Variants in LTK observed in about 807,000 individuals in gnomAD.
LTK encodes leukocyte receptor tyrosine kinase.
In LTK, 117 loss-of-function variants were observed where a neutral mutation model predicts 101.5. That is an observed-to-expected ratio of 1.15 (90% CI 0.99 to 1.34). The LOEUF (loss-of-function observed/expected upper bound fraction) is 1.34, where lower values mean the gene tolerates loss of function less well. Among genes scored for constraint, LTK ranks in the 40% most tolerant of loss-of-function variants. The pLI, the probability that LTK is intolerant of heterozygous loss-of-function variation, is 0.00. For synonymous variants in LTK, 563 were observed against 494.2 expected (o/e 1.14, Z -1.85); for missense variants, 1,252 against 1,164.7 (o/e 1.07, Z -1.09).
In LTK at chr15:41,511,544, G is replaced by T. The variant is rs773572829; in HGVS notation, c.692C>A (p.Ala231Glu). 2.1e-6 allele frequency: 3 copies of T among 1,455,012 alleles called. No individual in the cohort carries two copies. The East Asian group carries it at 8.3e-5, about 40-fold the overall frequency. The allele number at this position is 1,455,012 out of a possible 1,614,324, so 90.1% of individuals were successfully genotyped here. The part of the protein sequence containing the change: ...RAGELEPLLV[A>E]AGGGGRAYLR... ...GTAGGCCCGACCGCCGCCTCCGGCC[G>T]CCACCAGCAACGGTTCCAGCTCGCC... The change falls in exon 6 of 20, where the codon GCG becomes GAG. Residue 231 changes from alanine (A) to glutamate (E), a missense_variant. By Grantham distance (107) the Ala-to-Glu change is moderately radical. Transcript: ENST00000263800. This position sits in a 1 kb window ranked among gnomAD's most constrained non-coding sequence, Gnocchi z 5.9.
rs960966888 is a variant in LTK at position 41,512,875 on chromosome 15, G to A, written c.191C>T (p.Thr64Ile). The A allele has an allele frequency of 1.9e-6, 3 of 1,610,164 alleles. No homozygotes were observed. Among genetic ancestry groups the A allele is most frequent in the Non-Finnish European group, 2.5e-6 (3 of 1,177,846 alleles). ...EPASPLNSPG[T>I]EGSWLFSTCG... ...GGTAGAAAACAGCCAAGACCCCTCG[G>A]TGCCTGAGAGCAAGGAGCGAGGCAA... is the stretch of plus-strand genomic sequence containing the variant. Residue 64 changes from threonine (T) to isoleucine (I), a missense_variant, in exon 3 of 20, where the codon ACC becomes ATC. Transcript: ENST00000263800.
Position 41,504,369 on chromosome 15 carries a change from G to A in LTK, c.2319C>T (p.Ile773=). Reference sequence around the variant, plus strand: ...GAGTGCAGTACTGCAGACGCTCCAAGATGCTGGCAAAGCTAGGGCGGAGCT... The same window carrying A: ...GAGTGCAGTACTGCAGACGCTCCAAAATGCTGGCAAAGCTAGGGCGGAGCT... ...EPELRPSFAS[I]LERLQYCTQD... The change falls in exon 19 of 20, where the codon ATC becomes ATT. Residue 773 remains isoleucine (I), a synonymous_variant. Transcript: ENST00000263800. The A allele has an allele frequency of 6.2e-7, 1 of 1,614,172 alleles. No homozygotes were observed. Among genetic ancestry groups the A allele is most frequent in the East Asian group, 2.2e-5 (1 of 44,888 alleles).
intron 15 of LTK, 68 bp downstream of exon 15, chr15:41,505,140 G>A (rs2051222800): frequency 1.3e-6 from 2 of 1,583,702 alleles, no homozygotes; most frequent in Non-Finnish European, 8.6e-7. Flanking sequence ...CTTAAAAGCT[G>A]TGTGGAAGGG....
chr15:41,512,804 C>A lies in LTK; in HGVS notation c.262G>T (p.Gly88Trp). Residue 88 changes from glycine to tryptophan, a missense_variant, in exon 3 of 20, where the codon GGG becomes TGG. By Grantham distance (184) the Gly-to-Trp change is radical. Transcript: ENST00000263800. The stretch of plus-strand genomic sequence containing the variant: ...ACCACGCTGGTCCCCGCGTACGCCC[C>A]GTCACATTGTGTCTGTGTGGGCCCA... Reference protein sequence around the residue: ...RHGPTQTQCDGAYAGTSVVVT... With the variant: ...RHGPTQTQCDWAYAGTSVVVT... The A allele has an allele frequency of 6.2e-7, 1 of 1,612,572 alleles. No individual in the cohort carries two copies. The highest frequency in any genetic ancestry group is 8.5e-7 in the Non-Finnish European group (1 of 1,179,838).
rs1444518771 is a variant in LTK at position 41,506,023 on chromosome 15, G to A, written c.1542-18C>T. ...CCAGGGCTCTGCAGGAAGACACGTTGGAAGGGAGTGGGCAGGCGGCCTGGA... is the reference window on the plus strand; with the variant it reads ...CCAGGGCTCTGCAGGAAGACACGTTAGAAGGGAGTGGGCAGGCGGCCTGGA... On this transcript the variant is annotated intron_variant, in intron 11 of 19. Coordinates refer to ENST00000263800, the MANE Select transcript of LTK (RefSeq NM_002344.6). 2 of 1,574,026 alleles carry A rather than the reference G, an allele frequency of 1.3e-6. No homozygotes were observed. Among genetic ancestry groups the A allele is most frequent in the Non-Finnish European group, 1.7e-6 (2 of 1,143,860 alleles).
Position 41,511,714 on chromosome 15 carries a change from G to A in LTK, c.657+103C>T, listed in dbSNP as rs1453054809. On this transcript the variant is annotated intron_variant, in intron 5 of 19. Transcript: ENST00000263800. This position sits in a 1 kb window ranked among gnomAD's most constrained non-coding sequence, Gnocchi z 5.9. Reference sequence around the variant, plus strand: ...CCAGCCCAGGCCAGCCCAGCCCAGCGCAGGGATAGGGGGACCCCAAGGGAC... The same window carrying A: ...CCAGCCCAGGCCAGCCCAGCCCAGCACAGGGATAGGGGGACCCCAAGGGAC... The A allele has an allele frequency of 1.4e-6, 2 of 1,429,054 alleles. No individual in the cohort carries two copies. Among genetic ancestry groups the A allele is most frequent in the Non-Finnish European group, 9.1e-7 (1 of 1,100,496 alleles). The allele number at this position is 1,429,054 out of a possible 1,614,324, so 88.5% of individuals were successfully genotyped here. A position where few individuals can be genotyped will look rare whatever the true frequency, so the allele number is the denominator to read the frequency against.
At chr15:41,506,718 G>A (rs910464216) in intron 11 of LTK, among the ~76,000 whole-genome samples, 6 of 152,102 alleles carry the variant, frequency 3.9e-5, no homozygotes, top group Admixed American at 6.5e-5. Context: ...AGCCTCCCAC[G>A]TAGCTGGGAT....
chr15:41,505,049 C>T lies in LTK; in HGVS notation c.1941G>A (p.Arg647=), dbSNP rs1343232327. ...GTCCAGCGCAGCTCAGCAGGCAGTT[C>T]CGGGCGGCAATATCCCTACAGAGTA... ...NHFIHRDIAA[R]NCLLSCAGPS... is the part of the protein sequence containing the mutation. Residue 647 remains arginine (R), a synonymous_variant, in exon 16 of 20, where the codon CGG becomes CGA. Transcript: ENST00000263800. 2 of 1,613,144 alleles carry T rather than the reference C, an allele frequency of 1.2e-6. No homozygotes were observed. Among genetic ancestry groups the T allele is most frequent in the Admixed American group, 3.3e-5 (2 of 59,864 alleles).
rs1297293414 is a variant in LTK, at chr15:41,513,590, GCCTGTTGA to G, written c.43+69_43+76del. The G allele has an allele frequency of 3.8e-6, 5 of 1,329,834 alleles. No homozygotes were observed. The African/African-American group carries it at 7.2e-5, about 19-fold the overall frequency. 82.4% of individuals were successfully genotyped at this position (1,329,834 alleles called of 1,614,324 possible). On this transcript the variant is annotated intron_variant, in intron 1 of 19. Coordinates refer to ENST00000263800, the MANE Select transcript of LTK (RefSeq NM_002344.6). Reference sequence around the variant, plus strand: ...CCTCTGGAGGAACCACTGACACCTGGCCTGTTGACCGGCCACCCCCAAGCCTAGGAAAG... The same window carrying G: ...CCTCTGGAGGAACCACTGACACCTGGCCGGCCACCCCCAAGCCTAGGAAAG...
chr15:41,511,825 C>A lies in LTK; in HGVS notation c.649G>T (p.Val217Phe). The A allele has an allele frequency of 1.3e-6, 2 of 1,491,708 alleles. No individual in the cohort carries two copies. Among genetic ancestry groups the A allele is most frequent in the Non-Finnish European group, 8.8e-7 (1 of 1,130,088 alleles). 92.4% of individuals were successfully genotyped at this position (1,491,708 alleles called of 1,614,324 possible). A position where few individuals can be genotyped will look rare whatever the true frequency, so the allele number is the denominator to read the frequency against. ...CCGAAGGGAGCACGTACCCGGAAAA[C>A]GTAGGTGGCGCCCCCGCCACCCCCG... is the stretch of plus-strand genomic sequence containing the variant. ...GGGGGGGATY[V>F]FRVRAGELEP... Residue 217 changes from valine to phenylalanine, a missense_variant, in exon 5 of 20, where the codon GTT (valine) becomes TTT (phenylalanine). By Grantham distance (50) the Val-to-Phe change is conservative (BLOSUM62 -1). Transcript: ENST00000263800. This position sits in a 1 kb window ranked among gnomAD's most constrained non-coding sequence, Gnocchi z 5.9.
chr15:41,505,735 G>A lies in LTK; in HGVS notation c.1675C>T (p.Leu559Phe), dbSNP rs1386382455. The A allele has an allele frequency of 5.0e-6, 8 of 1,613,812 alleles. No individual in the cohort carries two copies. The highest frequency in any genetic ancestry group is 6.8e-6 in the Non-Finnish European group (8 of 1,179,970). ...CACCTGATGATGAGGGCCTCCATGA[G>A]GAAATCCAGCTCATCCTGAGGCGAG... is the stretch of plus-strand genomic sequence containing the variant. ...LCSPQDELDF[L>F]MEALIISKFR... Residue 559 changes from leucine to phenylalanine, a missense_variant, in exon 13 of 20, where the codon CTC becomes TTC. Leu to Phe is a conservative substitution (Grantham distance 22, BLOSUM62 0). Transcript: ENST00000263800.
In LTK at chr15:41,511,490, T is replaced by C; in HGVS notation, c.746A>G (p.Gln249Arg). The C allele has an allele frequency of 6.8e-7, 1 of 1,472,000 alleles. No homozygotes were observed. The highest frequency in any genetic ancestry group is 8.9e-7 in the Non-Finnish European group (1 of 1,120,790). 91.2% of individuals were successfully genotyped at this position (1,472,000 alleles called of 1,614,324 possible). Residue 249 changes from glutamine to arginine, a missense_variant, in exon 6 of 20, where the codon CAG becomes CGG. By Grantham distance (43) the Gln-to-Arg change is conservative. Transcript: ENST00000263800. The surrounding 1 kb of genome is among the most constrained non-coding windows in gnomAD (Gnocchi z 5.9). ...GTTCTCCAGTTTCTCGGGGGAGGCC[T>C]GAGTCCGGCCTCGGTCCCGCGGCCT... ...YLRPRDRGRT[Q>R]ASPEKLENRS...
chr15:41,504,912 A>G (rs1049967337), intron 16 of LTK, 38 bp from the exon 17 acceptor site: 4 of 1,597,624 alleles, frequency 2.5e-6, no homozygotes, highest in Non-Finnish European at 3.4e-6. Flanking sequence ...GTTGTTCACC[A>G]CCAAGGTGCG....
In LTK at chr15:41,511,835, G is replaced by GGCCCCCCC; in HGVS notation, c.638_639insGGGGGGGC (p.Ala214GlyfsTer30). The GGCCCCCCC allele has an allele frequency of 1.7e-5, 25 of 1,477,216 alleles. No homozygotes were observed. Among genetic ancestry groups the GGCCCCCCC allele is most frequent in the Non-Finnish European group, 2.1e-5 (24 of 1,122,314 alleles). The allele number at this position is 1,477,216 out of a possible 1,614,324, so 91.5% of individuals were successfully genotyped here. On this transcript the variant is annotated frameshift_variant, in exon 5 of 20. Transcript: ENST00000263800. LOFTEE classifies it high-confidence loss of function. This position sits in a 1 kb window ranked among gnomAD's most constrained non-coding sequence, Gnocchi z 5.9. ...CACGTACCCGGAAAACGTAGGTGGCGCCCCCGCCACCCCCGCCACCTCCCG... is the reference window on the plus strand; with the variant it reads ...CACGTACCCGGAAAACGTAGGTGGCGGCCCCCCCCCCCCGCCACCCCCGCCACCTCCCG...
Position 41,511,706 on chromosome 15 carries a change from A to G in LTK, c.657+111T>C. The G allele has an allele frequency of 7.0e-7, 1 of 1,425,014 alleles. No individual in the cohort carries two copies. Among genetic ancestry groups the G allele is most frequent in the South Asian group, 1.4e-5 (1 of 70,366 alleles). The allele number at this position is 1,425,014 out of a possible 1,614,324, so 88.3% of individuals were successfully genotyped here. A position where few individuals can be genotyped will look rare whatever the true frequency, so the allele number is the denominator to read the frequency against. On this transcript the variant is annotated intron_variant, in intron 5 of 19. Coordinates refer to ENST00000263800, the MANE Select transcript of LTK (RefSeq NM_002344.6). This position sits in a 1 kb window ranked among gnomAD's most constrained non-coding sequence, Gnocchi z 5.9. Reference sequence around the variant, plus strand: ...CCCCCAGCCCAGCCCAGGCCAGCCCAGCCCAGCGCAGGGATAGGGGGACCC... The same window carrying G: ...CCCCCAGCCCAGCCCAGGCCAGCCCGGCCCAGCGCAGGGATAGGGGGACCC...
chr15:41,512,234 C>G lies in LTK; in HGVS notation c.391G>C (p.Gly131Arg). Residue 131 changes from glycine to arginine, a missense_variant, in exon 4 of 20, where the codon GGC becomes CGC. Physicochemically the swap from Gly to Arg is moderately radical, Grantham distance 125 (BLOSUM62 -2). Transcript: ENST00000263800. ...ISAYGAAGGK[G>R]AKNHLSRAHG... is the part of the protein sequence containing the mutation. ...GCCCGCGACAGGTGGTTCTTGGCGC[C>G]TTTGCCGCCCGCGGCTCCGTAGGCT... is the stretch of plus-strand genomic sequence containing the variant. The G allele has an allele frequency of 6.2e-7, 1 of 1,612,860 alleles. No individual in the cohort carries two copies. Among genetic ancestry groups the G allele is most frequent in the Non-Finnish European group, 8.5e-7 (1 of 1,179,774 alleles).
Position 41,512,831 on chromosome 15 carries a change from G to T in LTK, c.235C>A (p.His79Asn), listed in dbSNP as rs569016819. The change falls in exon 3 of 20, where the codon CAT becomes AAT. Residue 79 changes from histidine to asparagine, a missense_variant. His to Asn is a moderately conservative substitution (Grantham distance 68). Coordinates refer to ENST00000263800, the MANE Select transcript of LTK (RefSeq NM_002344.6). ...TCACATTGTGTCTGTGTGGGCCCAT[G>T]CCGGCCGCTGGCCCCGCAGGTAGAA... ...LFSTCGASGR[H>N]GPTQTQCDGA... 1.2e-6 allele frequency: 2 copies of T among 1,612,456 alleles called. No individual in the cohort carries two copies. The highest frequency in any genetic ancestry group is 2.2e-5 in the South Asian group (2 of 91,048).
intron 11 of LTK, 52 bp from the exon 12 acceptor site, chr15:41,506,057 C>T: frequency 8.2e-7 from 1 of 1,212,520 alleles, no homozygotes. Flanking sequence ...GAGAAGAGTC[C>T]TAGAGAGTCT....
At position 41,506,960 on chromosome 15, in the gene LTK, T is replaced by C. The variant is rs142895045; in HGVS notation, c.1541+135A>G. Reference sequence around the variant, plus strand: ...AAGTTACTTCCCCTTCTGGAGCTTCTCAGGGCCTCCCTCTCCCTTACACAA... The same window carrying C: ...AAGTTACTTCCCCTTCTGGAGCTTCCCAGGGCCTCCCTCTCCCTTACACAA... On this transcript the variant is annotated intron_variant, in intron 11 of 19. Transcript: ENST00000263800. 63 of 751,584 alleles carry C rather than the reference T, an allele frequency of 8.4e-5. 1 individual carries two copies. In the African/African-American group the frequency reaches 1.0e-3, roughly 12 times the overall value. 46.6% of individuals were successfully genotyped at this position (751,584 alleles called of 1,614,324 possible).
Sources: gnomAD v4.1 joint callset for allele counts (sites outside exome capture counted in the v4.1 genomes callset) on GRCh38, gnomAD v4.1.1 for gene constraint, Gnocchi (gnomAD v3.1) non-coding constraint, MANE v1.5 for transcripts, NCBI Gene and HGNC (gene_info 2026-07-23, HGNC 2026-07-21) for gene names.